The following LRBA variants were observed in gnomAD, a reference collection of about 807,000 sequenced individuals.
LRBA encodes LPS responsive beige-like anchor protein, also known as lipopolysaccharide-responsive and beige-like anchor protein.
Under a neutral mutation model 330.0 loss-of-function variants are expected in LRBA, and 176 were observed. That is an observed-to-expected ratio of 0.53 (90% confidence interval 0.47 to 0.60). The LOEUF (loss-of-function observed/expected upper bound fraction) is 0.60, where lower values mean the gene tolerates loss of function less well. Ranked by LOEUF, LRBA falls within the 20% of genes least tolerant of loss-of-function variation. The probability of loss-of-function intolerance (pLI) is 0.00; values close to 1 mark genes in which losing one functional copy is unlikely to be tolerated. For synonymous variants in LRBA, 1,230 were observed against 1,193.0 expected, an observed-to-expected ratio of 1.03 and a Z score of -0.64; for missense variants, 3,259 against 3,444.8, an observed-to-expected ratio of 0.95 and a Z score of 1.35.
At chr4:150,979,806 C>T (rs1740633239) in intron 2 of LRBA, among the ~76,000 whole-genome samples, 1 of 152,092 alleles carries the variant, frequency 6.6e-6, no homozygotes, top group African/African-American at 2.4e-5. Flanking sequence ...AGACCAATAA[C>T]AAGTAATGAG....
chr4:150,645,841 A>G (rs1414871826), intron 37 of LRBA, among the ~76,000 whole-genome samples: 1 of 151,924 alleles, frequency 6.6e-6, no homozygotes, highest in Non-Finnish European at 1.5e-5. Context: ...ATCTATTTTG[A>G]TGACAGGCAA....
chr4:150,885,408 G>A (rs556137519), intron 17 of LRBA, among the ~76,000 whole-genome samples: 1 of 152,140 alleles, frequency 6.6e-6, no homozygotes, highest in African/African-American at 2.4e-5. Context: ...GTAATTTGAG[G>A]CCAGGCATTC....
intron 19 of LRBA, 30 bp downstream of exon 19, chr4:150,871,315 T>A: frequency 8.5e-7 from 1 of 1,181,916 alleles, no homozygotes; most frequent in South Asian, 1.3e-5. Context: ...ATAAGAAATT[T>A]AGAGGAGTAA....
rs112976998 is a variant in LRBA at position 150,613,524 on chromosome 4, C to A, written c.5922-14393G>T. Among the ~76,000 whole-genome samples, 189 of 152,266 alleles carry A rather than the reference C, an allele frequency of 1.2e-3. 3 individuals are homozygous for A. The highest frequency in any genetic ancestry group is 4.5e-3 in the African/African-American group (185 of 41,544). ...CCAGAATTTTTGGAGCGGCATAAAG[C>A]AAGAAGTGCCCAAACAAGAGGCTAT... On this transcript the variant is annotated intron_variant, in intron 37 of 56. Coordinates refer to ENST00000651943, the MANE Select transcript of LRBA (RefSeq NM_001364905.1).
intron 38 of LRBA, 42 bp downstream of exon 38, chr4:150,598,965 C>A: frequency 6.2e-7 from 1 of 1,610,846 alleles, no homozygotes; most frequent in South Asian, 1.1e-5. Context: ...TTACCAAGTC[C>A]TGTACCTGCT....
In LRBA at chr4:150,645,950, CAATA is replaced by C. The variant is rs1779098393; in HGVS notation, c.5921+37597_5921+37600del. ...AAAACCCATTACAGAAAATTGTACT[CAATA>C]GATATATTTTAAATTTTATCAATAA... On this transcript the variant is annotated intron_variant, in intron 37 of 56. Coordinates refer to ENST00000651943, the MANE Select transcript of LRBA (RefSeq NM_001364905.1). 2.2e-5 allele frequency among the ~76,000 whole-genome samples: 3 copies of C among 137,988 alleles called. No individual in the cohort carries two copies. In the South Asian group the frequency reaches 7.1e-4, roughly 32 times the overall value. 90.5% of individuals were successfully genotyped at this position (137,988 alleles called of 152,430 possible).
intron 40 of LRBA, among the ~76,000 whole-genome samples, chr4:150,519,363 C>T (rs1034514436): frequency 1.3e-5 from 2 of 152,142 alleles, no homozygotes; most frequent in East Asian, 1.9e-4. Context: ...GCTCACATCT[C>T]TTCACTGTCA....
intron 55 of LRBA, among the ~76,000 whole-genome samples, chr4:150,281,949 A>C (rs1356612843): frequency 1.3e-5 from 2 of 152,218 alleles, no homozygotes; most frequent in Admixed American, 6.5e-5. Flanking sequence ...TTTGAAGCCC[A>C]GCTTCTTTAA....
At chr4:150,431,937 T>A (rs1296966698) in intron 46 of LRBA, among the ~76,000 whole-genome samples, 1 of 152,284 alleles carries the variant, frequency 6.6e-6, no homozygotes, top group East Asian at 1.9e-4. Flanking sequence ...AAAAAAGGTC[T>A]CTTCTTTAAA....
intron 56 of LRBA, among the ~76,000 whole-genome samples, chr4:150,270,264 T>C (rs1745888316): frequency 6.6e-6 from 1 of 152,220 alleles, no homozygotes; most frequent in Admixed American, 6.5e-5. Context: ...ATTTGTATGA[T>C]AATGTTCATA....
intron 22 of LRBA, among the ~76,000 whole-genome samples, chr4:150,865,500 C>T (rs1221291882): frequency 5.9e-5 from 9 of 152,122 alleles, no homozygotes; most frequent in African/African-American, 1.9e-4. Flanking sequence ...AACTGATCAA[C>T]CTCAACAATA....
At chr4:150,641,632 A>C (rs558201402) in intron 37 of LRBA, among the ~76,000 whole-genome samples, 15 of 152,194 alleles carry the variant, frequency 9.9e-5, no homozygotes, top group South Asian at 2.1e-4. Flanking sequence ...TTAGCCCTTC[A>C]ATGTTTAAGT....
At chr4:150,628,704 C>A (rs1777083183) in intron 37 of LRBA, among the ~76,000 whole-genome samples, 1 of 152,148 alleles carries the variant, frequency 6.6e-6, no homozygotes, top group Non-Finnish European at 1.5e-5. Flanking sequence ...AACCATGAGT[C>A]CTTCTTTTAA....
intron 13 of LRBA, among the ~76,000 whole-genome samples, chr4:150,904,232 T>G (rs528717905): frequency 2.0e-5 from 3 of 152,342 alleles, no homozygotes; most frequent in African/African-American, 7.2e-5. Flanking sequence ...ACCCTAAACC[T>G]AATTTTGTAT....
At chr4:150,435,771 A>G in intron 45 of LRBA, 63 bp from the exon 46 acceptor site, 1 of 1,371,868 alleles carries the variant, frequency 7.3e-7, no homozygotes, top group South Asian at 1.4e-5. Flanking sequence ...GGTTTTTATA[A>G]ATTCTTAGAA....
At chr4:150,708,041 A>T (rs1427826172) in intron 36 of LRBA, among the ~76,000 whole-genome samples, 1 of 151,852 alleles carries the variant, frequency 6.6e-6, no homozygotes, top group Non-Finnish European at 1.5e-5. Flanking sequence ...AGCCTATTTC[A>T]TACTTAATGA....
intron 13 of LRBA, among the ~76,000 whole-genome samples, chr4:150,903,148 G>A (rs535127067): frequency 6.6e-6 from 1 of 152,264 alleles, no homozygotes; most frequent in South Asian, 2.1e-4. Flanking sequence ...TTCTGGGGCT[G>A]AGAGAGGAGG....
chr4:150,946,400 T>C (rs1736248263), intron 2 of LRBA, among the ~76,000 whole-genome samples: 3 of 152,028 alleles, frequency 2.0e-5, no homozygotes, highest in Admixed American at 2.0e-4. Flanking sequence ...TTAAAGATAT[T>C]GAAAGTATAT....
At chr4:150,741,509 T>C (rs1731969760) in intron 35 of LRBA, among the ~76,000 whole-genome samples, 1 of 152,138 alleles carries the variant, frequency 6.6e-6, no homozygotes, top group African/African-American at 2.4e-5. Context: ...CATCACCAAG[T>C]TATATCAAAG....
Sources: gnomAD v4.1 joint callset for allele counts (sites outside exome capture counted in the v4.1 genomes callset) on GRCh38, gnomAD v4.1.1 for gene constraint, MANE v1.5 for transcripts, NCBI Gene and HGNC (gene_info 2026-07-23, HGNC 2026-07-21) for gene names.